Variants in CACNA1E observed in about 807,000 individuals in gnomAD.
CACNA1E encodes the protein voltage-dependent R-type calcium channel subunit alpha-1E.
A neutral mutation model predicts 259.2 loss-of-function variants in CACNA1E; 40 were observed. That is an observed-to-expected ratio of 0.15 (90% CI 0.12 to 0.20). CACNA1E has a LOEUF of 0.20. Among genes scored for constraint, CACNA1E ranks in the 10% least tolerant of loss-of-function variants. The pLI is 1.00. For synonymous variants in CACNA1E, 1,104 were observed against 1,138.5 expected (o/e 0.97, Z 0.61); for missense variants, 1,874 against 3,040.1 (o/e 0.62, Z 9.02).
intron 6 of CACNA1E, among the ~76,000 whole-genome samples, chr1:181,596,541 T>G (rs896952893): frequency 1.4e-5 from 2 of 144,792 alleles, no homozygotes; most frequent in Non-Finnish European, 3.0e-5. Flanking sequence ...GAGAGTAGTC[T>G]TCCACCCACC....
At chr1:181,449,187 G>A (rs1211093711) in intron 2 of CACNA1E, among the ~76,000 whole-genome samples, 3 of 152,190 alleles carry the variant, frequency 2.0e-5, no homozygotes, top group African/African-American at 7.2e-5. Context: ...GACTATTGAT[G>A]CTGTGGCACT....
intron 2 of CACNA1E, among the ~76,000 whole-genome samples, chr1:181,456,605 G>A (rs914306226): frequency 5.3e-5 from 8 of 152,068 alleles, no homozygotes; most frequent in African/African-American, 1.4e-4. Flanking sequence ...CTTTTTTTAC[G>A]CCTCCCTCTG....
intron 7 of CACNA1E, among the ~76,000 whole-genome samples, chr1:181,684,617 C>A (rs1427417578): frequency 2.0e-5 from 3 of 152,032 alleles, no homozygotes; most frequent in Non-Finnish European, 4.4e-5. Flanking sequence ...TTAAGTTTTT[C>A]ATTTAAGTCT....
chr1:181,461,540 CAAA>C (rs10607931), intron 2 of CACNA1E, among the ~76,000 whole-genome samples: 4,653 of 82,042 alleles, frequency 0.057, 137 homozygotes, highest in African/African-American at 0.15. Flanking sequence ...GACTCCATCT[CAAA>C]AAAAAAAAAA....
At chr1:181,604,240 C>A (rs1341532714) in intron 6 of CACNA1E, among the ~76,000 whole-genome samples, 3 of 152,338 alleles carry the variant, frequency 2.0e-5, no homozygotes, top group Non-Finnish European at 4.4e-5. Flanking sequence ...CACTCACCAC[C>A]AGGGCGTGAG....
intron 44 of CACNA1E, among the ~76,000 whole-genome samples, chr1:181,792,999 T>C (rs1460537709): frequency 6.6e-6 from 1 of 152,234 alleles, no homozygotes; most frequent in African/African-American, 2.4e-5. Context: ...GACATGCTAC[T>C]ATTTGGATAT....
intron 2 of CACNA1E, among the ~76,000 whole-genome samples, chr1:181,434,408 T>TA (rs200681402): frequency 4.7e-5 from 7 of 147,976 alleles, no homozygotes; most frequent in African/African-American, 1.3e-4. Context: ...TTTTTTTTTT[T>TA]AAATACTAGA....
intron 1 of CACNA1E, among the ~76,000 whole-genome samples, chr1:181,368,144 C>T (rs537479530): frequency 8.5e-5 from 13 of 152,106 alleles, no homozygotes; most frequent in African/African-American, 1.2e-4. Context: ...GCATGAAAAT[C>T]GCTTGAGCCT....
At chr1:181,544,198 A>G (rs1240759001) in intron 3 of CACNA1E, among the ~76,000 whole-genome samples, 4 of 152,214 alleles carry the variant, frequency 2.6e-5, no homozygotes, top group East Asian at 1.9e-4. Context: ...GAAGTTCCTC[A>G]CAACAGGCTA....
chr1:181,636,748 A>T (rs1398407715), intron 6 of CACNA1E, among the ~76,000 whole-genome samples: 2 of 152,212 alleles, frequency 1.3e-5, no homozygotes, highest in Non-Finnish European at 2.9e-5. Context: ...GAGGCTTTAC[A>T]GTCTCTGGTT....
intron 1 of CACNA1E, among the ~76,000 whole-genome samples, chr1:181,326,686 G>C (rs188721290): frequency 6.6e-6 from 1 of 152,150 alleles, no homozygotes; most frequent in Admixed American, 6.5e-5. Flanking sequence ...ATTCTCTTTT[G>C]AGTTTGAGAT....
At chr1:181,336,190 A>G (rs1651698774) in intron 1 of CACNA1E, among the ~76,000 whole-genome samples, 1 of 152,230 alleles carries the variant, frequency 6.6e-6, no homozygotes, top group Admixed American at 6.5e-5. Flanking sequence ...CTAAGTGGTG[A>G]GATTCTTAAA....
At chr1:181,336,765 T>G (rs538791323) in intron 1 of CACNA1E, among the ~76,000 whole-genome samples, 16 of 152,174 alleles carry the variant, frequency 1.1e-4, no homozygotes, top group African/African-American at 3.9e-4. Flanking sequence ...CCAATCTACT[T>G]TCTGTCTCTC....
chr1:181,638,158 C>A (rs199969), intron 6 of CACNA1E, among the ~76,000 whole-genome samples: 1 of 151,916 alleles, frequency 6.6e-6, no homozygotes, highest in African/African-American at 2.4e-5. Context: ...TCACTTGCCC[C>A]ACTTTACAAG....
rs746420654 is a variant in CACNA1E at position 181,715,346 on chromosome 1, A to T, written c.1180A>T (p.Met394Leu). 1.3e-5 allele frequency: 20 copies of T among 1,592,642 alleles called. No homozygotes were observed. Among genetic ancestry groups the T allele is most frequent in the Non-Finnish European group, 1.7e-5 (20 of 1,163,228 alleles). Residue 394 changes from methionine (M) to leucine (L), a missense_variant, in exon 9 of 48, where the codon ATG (methionine) becomes TTG (leucine). This residue lies in a region of CACNA1E where 157 missense variants were observed against 203.5 expected (regional missense o/e 0.77). Transcript: ENST00000367573. ...CATTTGTTTCCATATAGAGGAAGTC[A>T]TGCTCGCTGAAGAAAATAAAAATGC... ...RAWIDKAEEV[M>L]LAEENKNAGT...
At chr1:181,725,418 A>T (rs191661107) in intron 17 of CACNA1E, among the ~76,000 whole-genome samples, 2 of 152,204 alleles carry the variant, frequency 1.3e-5, no homozygotes, top group South Asian at 4.1e-4. Flanking sequence ...TGTGTACCTT[A>T]CAGGATTACT....
At chr1:181,400,820 T>C (rs1420412085) in intron 1 of CACNA1E, among the ~76,000 whole-genome samples, 8 of 152,280 alleles carry the variant, frequency 5.3e-5, no homozygotes, top group Admixed American at 5.2e-4. Flanking sequence ...CAAAGCTGTC[T>C]CTGTCCAGGG....
At chr1:181,584,212 C>T (rs913105492) in intron 6 of CACNA1E, among the ~76,000 whole-genome samples, 2 of 152,168 alleles carry the variant, frequency 1.3e-5, no homozygotes, top group Non-Finnish European at 2.9e-5. Context: ...CATCTTTGCT[C>T]CTGAAGTCTA....
At chr1:181,711,134 C>A in intron 8 of CACNA1E, 65 bp downstream of exon 8, 1 of 1,033,068 alleles carries the variant, frequency 9.7e-7, no homozygotes, top group Non-Finnish European at 1.5e-6. Flanking sequence ...CGGCCCCTCA[C>A]TCCCAATGCT....
Sources: allele counts gnomAD v4.1 joint callset (sites outside exome capture counted in the v4.1 genomes callset), GRCh38; gene constraint gnomAD v4.1.1; regional missense constraint gnomAD v4.1.1; transcripts MANE v1.5; gene names NCBI Gene and HGNC (gene_info 2026-07-23, HGNC 2026-07-21).